The following TRIM50 variants were observed in gnomAD, a reference collection of about 807,000 sequenced individuals.
TRIM50 encodes the protein E3 ubiquitin-protein ligase TRIM50.
Under a neutral mutation model 44.9 loss-of-function variants are expected in TRIM50, and 34 were observed. That is an observed-to-expected ratio of 0.76 (90% CI 0.58 to 1.01). The LOEUF (loss-of-function observed/expected upper bound fraction) is 1.01, where lower values mean the gene tolerates loss of function less well. Among genes scored for constraint, TRIM50 ranks in the 50% least tolerant of loss-of-function variants. TRIM50 has a pLI of 0.00. For synonymous variants in TRIM50, 307 were observed against 291.1 expected (o/e 1.05, Z -0.56); for missense variants, 633 against 663.7 (o/e 0.95, Z 0.51).
At chr7:73,319,716 G>C (rs1286802828) in intron 3 of TRIM50, among the ~76,000 whole-genome samples, 4 of 152,174 alleles carry the variant, frequency 2.6e-5, no homozygotes, top group Non-Finnish European at 2.9e-5. Context: ...GGGCACTATG[G>C]CTCCCAGCCC....
intron 2 of TRIM50, 39 bp downstream of exon 2, chr7:73,324,350 G>C: frequency 6.2e-7 from 1 of 1,613,724 alleles, no homozygotes; most frequent in Non-Finnish European, 8.5e-7. Flanking sequence ...TCTGGTCCCC[G>C]CGGGCCTCTC....
At chr7:73,318,062 G>A (rs572469991) in intron 5 of TRIM50, among the ~76,000 whole-genome samples, 1 of 152,234 alleles carries the variant, frequency 6.6e-6, no homozygotes, top group South Asian at 2.1e-4. Flanking sequence ...CAGGTCCTGG[G>A]TCCTTCTCAG....
At chr7:73,327,694 G>A (rs1164296584) in intron 1 of TRIM50, among the ~76,000 whole-genome samples, 1 of 152,100 alleles carries the variant, frequency 6.6e-6, no homozygotes, top group Non-Finnish European at 1.5e-5. Context: ...GCCCCACCAC[G>A]CAGCCACTCC....
intron 5 of TRIM50, among the ~76,000 whole-genome samples, chr7:73,318,323 G>T (rs189028122): frequency 4.6e-5 from 7 of 152,246 alleles, no homozygotes; most frequent in Non-Finnish European, 8.8e-5. Context: ...TTTTTGTAGA[G>T]ATGGGGTCTT....
Position 73,324,835 on chromosome 7 carries a change from GTCCCC to G in TRIM50, c.-18-35_-18-31del, listed in dbSNP as rs782670149. 3.1e-6 allele frequency: 5 copies of G among 1,610,850 alleles called. No homozygotes were observed. In the East Asian group the frequency reaches 8.9e-5, roughly 29 times the overall value. On this transcript the variant is annotated intron_variant, in intron 1 of 6. Transcript: ENST00000333149. ...AACACAGGCATCCGACCTCAGTCCT[GTCCCC>G]TCCCCTCCCCCTGTCCAGCACTCAT...
intron 5 of TRIM50, among the ~76,000 whole-genome samples, chr7:73,317,780 G>A (rs149624966): frequency 4.0e-4 from 61 of 152,310 alleles, no homozygotes; most frequent in African/African-American, 1.4e-3. Context: ...GCACGTGTTC[G>A]TTTGTTGGGT....
At chr7:73,315,902 C>T (rs1293444706) in intron 6 of TRIM50, among the ~76,000 whole-genome samples, 14 of 143,312 alleles carry the variant, frequency 9.8e-5, no homozygotes, top group African/African-American at 2.6e-4. Context: ...TTTTTTGAGA[C>T]GGAGTTTTGC....
At position 73,324,619 on chromosome 7, in the gene TRIM50, G is replaced by A. The variant is rs781860246; in HGVS notation, c.169C>T (p.Arg57Trp). 1.9e-5 allele frequency: 31 copies of A among 1,614,054 alleles called. No homozygotes were observed. The East Asian group carries it at 2.4e-4, about 13-fold the overall frequency. ...GAGCTGCTGCCGTCCACCGCCTGCCGGCACACGGGGCAGCGCAGCTCGGCA... is the reference window on the plus strand; with the variant it reads ...GAGCTGCTGCCGTCCACCGCCTGCCAGCACACGGGGCAGCGCAGCTCGGCA... Reference protein sequence around the residue: ...LDAELRCPVCRQAVDGSSSLP... With the variant: ...LDAELRCPVCWQAVDGSSSLP... The change falls in exon 2 of 7, where the codon CGG (arginine) becomes TGG (tryptophan). Residue 57 changes from arginine to tryptophan, a missense_variant. Arg to Trp is a moderately radical substitution (Grantham distance 101). Coordinates refer to ENST00000333149, the MANE Select transcript of TRIM50 (RefSeq NM_178125.3).
At chr7:73,318,743 A>C (rs1348912051) in intron 4 of TRIM50, 34 bp from the exon 5 acceptor site, 2 of 1,613,946 alleles carry the variant, frequency 1.2e-6, no homozygotes, top group Non-Finnish European at 1.7e-6. Flanking sequence ...TTAAGGCTAG[A>C]AGGTGGGAAG....
At position 73,320,237 on chromosome 7, in the gene TRIM50, C is replaced by G. The variant is rs1363064204; in HGVS notation, c.405G>C (p.Glu135Asp). The stretch of plus-strand genomic sequence containing the variant: ...TCAGCTCAGAGATGAGGGCTGCGAG[C>G]TCCTCCTGGAGGCAACAGGCCATGG... The part of the protein sequence containing the change: ...VSTVYSRMKE[E>D]LAALISELKQ... Residue 135 changes from glutamate (E) to aspartate (D), a missense_variant, in exon 3 of 7, where the codon GAG (glutamate) becomes GAC (aspartate). Glu to Asp is a conservative substitution (Grantham distance 45). Transcript: ENST00000333149. 3 of 1,613,900 alleles carry G rather than the reference C, an allele frequency of 1.9e-6. No homozygotes were observed. The highest frequency in any genetic ancestry group is 2.5e-6 in the Non-Finnish European group (3 of 1,179,890).
intron 6 of TRIM50, among the ~76,000 whole-genome samples, chr7:73,316,251 T>C (rs1804355320): frequency 6.6e-6 from 1 of 152,212 alleles, no homozygotes; most frequent in African/African-American, 2.4e-5. Context: ...ATACCATTTA[T>C]GAAGCACTAA....
rs782616032 is a variant in TRIM50 at position 73,312,883 on chromosome 7, C to G, written c.*38G>C. On this transcript the variant is annotated 3_prime_UTR_variant, in exon 7 of 7. Coordinates refer to ENST00000333149, the MANE Select transcript of TRIM50 (RefSeq NM_178125.3). ...AGCCCGCGAGTCCCCGGTGCCCCGCCGGGATGGGCCTGTGGGCCGGCAGGA... is the reference window on the plus strand; with the variant it reads ...AGCCCGCGAGTCCCCGGTGCCCCGCGGGGATGGGCCTGTGGGCCGGCAGGA... 6 of 1,460,866 alleles carry G rather than the reference C, an allele frequency of 4.1e-6. No homozygotes were observed. Among genetic ancestry groups the G allele is most frequent in the Non-Finnish European group, 4.5e-6 (5 of 1,104,174 alleles). 90.5% of individuals were successfully genotyped at this position (1,460,866 alleles called of 1,614,324 possible).
In TRIM50 at chr7:73,324,771, C is replaced by G. The variant is rs1804584936; in HGVS notation, c.17G>C (p.Ser6Thr). The part of the protein sequence containing the change: MAWQV[S>T]LPELEDRLQC... The stretch of plus-strand genomic sequence containing the variant: ...AAGCCGGTCCTCCAGCTCTGGCAGG[C>G]TCACCTGCCAAGCCATCCACACTCA... Residue 6 changes from serine (S) to threonine (T), a missense_variant, in exon 2 of 7, where the codon AGC becomes ACC. Transcript: ENST00000333149. 8 of 1,613,992 alleles carry G rather than the reference C, an allele frequency of 5.0e-6. No homozygotes were observed. The highest frequency in any genetic ancestry group is 3.4e-4 in the Middle Eastern group (2 of 5,912).
intron 2 of TRIM50, among the ~76,000 whole-genome samples, chr7:73,321,368 C>T (rs1340074563): frequency 6.6e-6 from 1 of 152,068 alleles, no homozygotes; most frequent in Admixed American, 6.6e-5. Flanking sequence ...ACCAGCAGAT[C>T]CAGAATTAGT....
intron 5 of TRIM50, 95 bp from the exon 6 acceptor site, chr7:73,316,784 T>C (rs1312045743): frequency 6.6e-7 from 1 of 1,523,928 alleles, no homozygotes; most frequent in Non-Finnish European, 8.8e-7. Flanking sequence ...AGATCCACAG[T>C]GCAGGACTGC....
chr7:73,313,528 G>T lies in TRIM50; in HGVS notation c.875-18C>A. ...CTCCGGGGCTGGGAGGGAGATCACAGAGGGTCTGTGAGGCCACGTGGAGGG... is the reference window on the plus strand; with the variant it reads ...CTCCGGGGCTGGGAGGGAGATCACATAGGGTCTGTGAGGCCACGTGGAGGG... On this transcript the variant is annotated intron_variant, in intron 6 of 6. Transcript: ENST00000333149. This position sits in a 1 kb window ranked among gnomAD's most constrained non-coding sequence, Gnocchi z 4.9. 6.8e-7 allele frequency: 1 copy of T among 1,469,798 alleles called. No individual in the cohort carries two copies. Among genetic ancestry groups the T allele is most frequent in the South Asian group, 1.4e-5 (1 of 74,004 alleles). The allele number at this position is 1,469,798 out of a possible 1,614,324, so 91.0% of individuals were successfully genotyped here. A position where few individuals can be genotyped will look rare whatever the true frequency, so the allele number is the denominator to read the frequency against.
chr7:73,320,652 C>T (rs1421886497), intron 2 of TRIM50, among the ~76,000 whole-genome samples: 2 of 151,902 alleles, frequency 1.3e-5, no homozygotes, highest in Non-Finnish European at 2.9e-5. Context: ...GAGCCAAGAT[C>T]ATGCCACTGC....
rs535727324 is a variant in TRIM50, at chr7:73,318,873, G to A, written c.675C>T (p.Ala225=). The change falls in exon 4 of 7, where the codon GCC becomes GCT. Residue 225 remains alanine (A), a synonymous_variant. Coordinates refer to ENST00000333149, the MANE Select transcript of TRIM50 (RefSeq NM_178125.3). ...TGCCGAACTGTTCCAGCACACACTC[G>A]GCTTGGGCCAGCCGCTCCCGGGTTC... ...AQGTRERLAQ[A]ECVLEQFGNE... The A allele has an allele frequency of 5.6e-6, 9 of 1,613,976 alleles. No individual in the cohort carries two copies. The highest frequency in any genetic ancestry group is 2.2e-5 in the South Asian group (2 of 91,074).
chr7:73,326,468 T>A (rs567953032), intron 1 of TRIM50, among the ~76,000 whole-genome samples: 1 of 151,736 alleles, frequency 6.6e-6, no homozygotes, highest in Non-Finnish European at 1.5e-5. Context: ...TAAATCAAGG[T>A]ATAACATATA....
Sources: allele counts gnomAD v4.1 joint callset (sites outside exome capture counted in the v4.1 genomes callset), GRCh38; gene constraint gnomAD v4.1.1; non-coding constraint Gnocchi (gnomAD v3.1); transcripts MANE v1.5; gene names NCBI Gene and HGNC (gene_info 2026-07-23, HGNC 2026-07-21).